Variants in LRP1B observed in about 807,000 individuals in gnomAD.
LRP1B encodes low-density lipoprotein receptor-related protein 1B.
LRP1B carries 217 observed loss-of-function variants against 556.6 expected under a neutral mutation model. The ratio of observed to expected loss-of-function variants is 0.39; its 90% CI spans 0.35 to 0.44. LRP1B has a LOEUF of 0.44. Among genes scored for constraint, LRP1B ranks in the 20% least tolerant of loss-of-function variants. The pLI is 1.00. For synonymous variants in LRP1B, 2,047 were observed against 1,865.8 expected (o/e 1.10, Z -2.50); for missense variants, 5,053 against 5,620.8 (o/e 0.90, Z 3.23).
chr2:141,660,711 T>C (rs1690184523), intron 2 of LRP1B, among the ~76,000 whole-genome samples: 1 of 152,154 alleles, frequency 6.6e-6, no homozygotes, highest in Admixed American at 6.5e-5. Context: ...TGGGCTGCCG[T>C]GGTCTCCACG....
chr2:141,291,231 A>G (rs966124663), intron 3 of LRP1B, among the ~76,000 whole-genome samples: 5 of 152,184 alleles, frequency 3.3e-5, no homozygotes, highest in Non-Finnish European at 7.4e-5. Context: ...AAAATATCTT[A>G]CTTTTGTGAG....
intron 21 of LRP1B, among the ~76,000 whole-genome samples, chr2:140,921,958 G>A (rs1198713500): frequency 6.6e-6 from 1 of 151,888 alleles, no homozygotes; most frequent in African/African-American, 2.4e-5. Context: ...TAATTATAGG[G>A]AGCAAAAGAA....
intron 20 of LRP1B, among the ~76,000 whole-genome samples, chr2:140,939,232 CAA>C (rs1232133483): frequency 6.6e-6 from 1 of 151,844 alleles, no homozygotes. Context: ...TGTAAAAGTA[CAA>C]ACACAAGATA....
In LRP1B at chr2:141,560,201, TTAAGA is replaced by T. The variant is rs563305868; in HGVS notation, c.206-79673_206-79669del. 1.1e-4 allele frequency among the ~76,000 whole-genome samples: 16 copies of T among 151,838 alleles called. No homozygotes were observed. In the South Asian group the frequency reaches 3.3e-3, roughly 31 times the overall value. On this transcript the variant is annotated intron_variant, in intron 2 of 90. Transcript: ENST00000389484. ...TAGCTACCTAACTATTCCATCCACT[TTAAGA>T]TATTTAATGCATCCAGCATTATAGT...
intron 16 of LRP1B, 142 bp from the exon 17 acceptor site, chr2:140,989,799 T>A: frequency 1.5e-6 from 1 of 687,092 alleles, no homozygotes; most frequent in South Asian, 2.3e-5. Context: ...TGCCTTATAT[T>A]TAATAGCAAA....
intron 12 of LRP1B, among the ~76,000 whole-genome samples, chr2:141,019,273 G>A (rs1024553229): frequency 4.0e-5 from 6 of 151,888 alleles, no homozygotes; most frequent in East Asian, 1.9e-4. Context: ...TGGAAATTAC[G>A]GTGGTATCTA....
At chr2:141,096,629 G>GAGAGGGA (rs1558858138) in intron 7 of LRP1B, among the ~76,000 whole-genome samples, 2 of 59,744 alleles carry the variant, frequency 3.3e-5, no homozygotes, top group African/African-American at 1.5e-4. Flanking sequence ...GGGGAGAGGG[G>GAGAGGGA]GAGAGAGAGA....
intron 7 of LRP1B, among the ~76,000 whole-genome samples, chr2:141,168,102 A>G (rs1290060581): frequency 6.6e-6 from 1 of 152,128 alleles, no homozygotes; most frequent in Non-Finnish European, 1.5e-5. Flanking sequence ...TAAGAAAACT[A>G]AAACAGAAAT....
chr2:140,420,158 C>T (rs1386502876), intron 66 of LRP1B, among the ~76,000 whole-genome samples: 2 of 148,862 alleles, frequency 1.3e-5, no homozygotes, highest in Non-Finnish European at 3.0e-5. Context: ...AAATTTATAG[C>T]AGAAAAAAAA....
At chr2:140,265,565 T>C (rs749580956) in intron 86 of LRP1B, among the ~76,000 whole-genome samples, 95 of 152,180 alleles carry the variant, frequency 6.2e-4, no homozygotes, top group African/African-American at 2.2e-3. Context: ...ACTATATAGA[T>C]AGTCCAAAAG....
At chr2:141,176,358 T>C (rs1054266986) in intron 7 of LRP1B, among the ~76,000 whole-genome samples, 34 of 152,196 alleles carry the variant, frequency 2.2e-4, no homozygotes, top group African/African-American at 7.9e-4. Context: ...GAGAGGTGAC[T>C]GGATCATGAG....
chr2:141,854,516 T>C lies in LRP1B; in HGVS notation c.83-44115A>G, dbSNP rs560193872. ...TAGATGAAAACTAAACGCAGGCACA[T>C]CATAAAGTTTTGATGCTTTCCACCT... On this transcript the variant is annotated intron_variant, in intron 1 of 90. Coordinates refer to ENST00000389484, the MANE Select transcript of LRP1B (RefSeq NM_018557.3). Among the ~76,000 whole-genome samples the C allele has an allele frequency of 2.9e-4, 44 of 152,196 alleles. 1 individual carries two copies. Among genetic ancestry groups the C allele is most frequent in the Middle Eastern group, 3.4e-3 (1 of 294 alleles).
intron 22 of LRP1B, among the ~76,000 whole-genome samples, chr2:140,905,796 A>T (rs1046277576): frequency 6.6e-6 from 1 of 152,142 alleles, no homozygotes; most frequent in Admixed American, 6.6e-5. Flanking sequence ...GTTACTAATG[A>T]GTAAAATCTT....
intron 86 of LRP1B, among the ~76,000 whole-genome samples, chr2:140,251,529 T>C (rs950625205): frequency 9.2e-5 from 14 of 152,042 alleles, no homozygotes; most frequent in African/African-American, 3.4e-4. Context: ...TTAAAGGTCA[T>C]GGGATTCTTC....
intron 1 of LRP1B, among the ~76,000 whole-genome samples, chr2:142,045,872 A>T (rs1408146269): frequency 6.6e-6 from 1 of 151,966 alleles, no homozygotes; most frequent in East Asian, 1.9e-4. Context: ...TCTTGAGGAC[A>T]GGAAATTAAA....
At chr2:140,748,831 ATAT>A (rs1559094820) in intron 35 of LRP1B, among the ~76,000 whole-genome samples, 1 of 121,202 alleles carries the variant, frequency 8.3e-6, no homozygotes, top group Non-Finnish European at 1.7e-5. Flanking sequence ...TATATATCAT[ATAT>A]TATATACATG....
intron 55 of LRP1B, among the ~76,000 whole-genome samples, chr2:140,498,186 C>G (rs1204277580): frequency 6.6e-6 from 1 of 151,712 alleles, no homozygotes; most frequent in Non-Finnish European, 1.5e-5. Context: ...ATGTATTCAG[C>G]CTCATCTTAA....
chr2:141,132,639 C>T (rs1701387682), intron 7 of LRP1B, among the ~76,000 whole-genome samples: 2 of 151,898 alleles, frequency 1.3e-5, no homozygotes, highest in Non-Finnish European at 1.5e-5. Flanking sequence ...ACAAAATCGC[C>T]AGTATATAAT....
rs1441173564 is a variant in LRP1B, at chr2:141,007,093, TTAAAAA to T, written c.2381-1642_2381-1637del. On this transcript the variant is annotated intron_variant, in intron 14 of 90. Coordinates refer to ENST00000389484, the MANE Select transcript of LRP1B (RefSeq NM_018557.3). ...TATATCAGAATATTTTACTGAAACATTAAAAATAAAGAGCTTTTAATTACTTAGAGC... is the reference window on the plus strand; with the variant it reads ...TATATCAGAATATTTTACTGAAACATTAAAGAGCTTTTAATTACTTAGAGC... Among the ~76,000 whole-genome samples, 15 of 151,842 alleles carry T rather than the reference TTAAAAA, an allele frequency of 9.9e-5. 1 individual carries two copies.
Sources: allele counts gnomAD v4.1 joint callset (sites outside exome capture counted in the v4.1 genomes callset), GRCh38; gene constraint gnomAD v4.1.1; transcripts MANE v1.5; gene names NCBI Gene and HGNC (gene_info 2026-07-23, HGNC 2026-07-21).